CPSF3: variants seen among roughly 807,000 people sequenced by gnomAD.
The protein encoded by CPSF3 is cleavage and polyadenylation specificity factor subunit 3.
A neutral mutation model predicts 84.1 loss-of-function variants in CPSF3; 57 were observed. The observed-to-expected ratio is 0.68, with a 90% CI of 0.55 to 0.85. The LOEUF (loss-of-function observed/expected upper bound fraction) is 0.85. Among genes scored for constraint, CPSF3 ranks in the 40% least tolerant of loss-of-function variants. The pLI is 0.00. For synonymous variants in CPSF3, 275 were observed against 278.1 expected (o/e 0.99, Z 0.11); for missense variants, 522 against 838.8 (o/e 0.62, Z 4.66).
At chr2:9,450,403 C>T (rs539691783) in intron 11 of CPSF3, among the ~76,000 whole-genome samples, 3 of 149,992 alleles carry the variant, frequency 2.0e-5, no homozygotes, top group South Asian at 2.2e-4. Flanking sequence ...GATCCACGTG[C>T]CTTGGCCTCC....
At chr2:9,466,302 A>T (rs1364121140) in intron 15 of CPSF3, among the ~76,000 whole-genome samples, 3 of 115,360 alleles carry the variant, frequency 2.6e-5, no homozygotes, top group African/African-American at 5.8e-5. Flanking sequence ...AGACGCATGC[A>T]CACGCACACT....
chr2:9,434,506 G>A (rs2148937694), intron 6 of CPSF3, among the ~76,000 whole-genome samples: 1 of 152,252 alleles, frequency 6.6e-6, no homozygotes, highest in Non-Finnish European at 1.5e-5. Context: ...TCTCTGGGCA[G>A]GATCATTTTT....
intron 17 of CPSF3, 128 bp from the exon 18 acceptor site, chr2:9,472,788 A>G: frequency 2.8e-6 from 2 of 713,974 alleles, no homozygotes; most frequent in Admixed American, 4.1e-5. Flanking sequence ...ATCTGGGACC[A>G]CAGGCACACG....
chr2:9,425,668 C>T (rs1572762073), intron 1 of CPSF3, among the ~76,000 whole-genome samples: 2 of 151,928 alleles, frequency 1.3e-5, no homozygotes, highest in Non-Finnish European at 2.9e-5. Flanking sequence ...GTTATTCACT[C>T]AAGGAGTATA....
At chr2:9,454,726 A>G (rs1681463434) in intron 12 of CPSF3, among the ~76,000 whole-genome samples, 1 of 151,606 alleles carries the variant, frequency 6.6e-6, no homozygotes, top group Admixed American at 6.6e-5. Flanking sequence ...TTGTATTTTT[A>G]GTAGAGACGG....
intron 3 of CPSF3, 62 bp from the exon 4 acceptor site, chr2:9,430,690 T>G: frequency 6.7e-7 from 1 of 1,495,272 alleles, no homozygotes; most frequent in Admixed American, 2.1e-5. Flanking sequence ...AGCAACAGTT[T>G]CATTACATGG....
intron 7 of CPSF3, among the ~76,000 whole-genome samples, chr2:9,436,687 C>T (rs562468337): frequency 6.6e-6 from 1 of 151,820 alleles, no homozygotes; most frequent in South Asian, 2.1e-4. Context: ...CAGAGAATTG[C>T]TTGAACCTGG....
intron 11 of CPSF3, among the ~76,000 whole-genome samples, chr2:9,451,726 T>C (rs906225946): frequency 6.6e-6 from 1 of 151,590 alleles, no homozygotes; most frequent in African/African-American, 2.4e-5. Context: ...CTTTTTTTTT[T>C]TTTTTTTTTG....
At chr2:9,462,209 A>G (rs1233558618) in intron 15 of CPSF3, among the ~76,000 whole-genome samples, 2 of 152,218 alleles carry the variant, frequency 1.3e-5, no homozygotes, top group Non-Finnish European at 2.9e-5. Flanking sequence ...TCCTTCTAAG[A>G]GCACAGCTGG....
intron 2 of CPSF3, among the ~76,000 whole-genome samples, chr2:9,429,525 C>T (rs1680502921): frequency 6.6e-6 from 1 of 152,136 alleles, no homozygotes; most frequent in Admixed American, 6.5e-5. Flanking sequence ...ATTTAAATTA[C>T]CCTGATCAGG....
chr2:9,467,133 A>AG (rs1450078327), intron 15 of CPSF3, among the ~76,000 whole-genome samples: 1 of 152,184 alleles, frequency 6.6e-6, no homozygotes, highest in Non-Finnish European at 1.5e-5. Flanking sequence ...TTGTTGAATG[A>AG]GGGGTCAGAG....
At chr2:9,446,684 G>A (rs948523290) in intron 10 of CPSF3, among the ~76,000 whole-genome samples, 2 of 151,882 alleles carry the variant, frequency 1.3e-5, no homozygotes, top group African/African-American at 4.8e-5. Flanking sequence ...TTGAACCCTC[G>A]AGGCAGAGGC....
In CPSF3 at chr2:9,452,925, T is replaced by C. The variant is rs934872217; in HGVS notation, c.1408T>C (p.Leu470=). The C allele has an allele frequency of 1.9e-6, 3 of 1,598,092 alleles. No homozygotes were observed. The highest frequency in any genetic ancestry group is 2.6e-6 in the Non-Finnish European group (3 of 1,175,844). ...TTTTTTTTTACAGGTTATGGGATTTTTAGCAGACAAAAAACCAGAACAAGG... is the reference window on the plus strand; with the variant it reads ...TTTTTTTTTACAGGTTATGGGATTTCTAGCAGACAAAAAACCAGAACAAGG... ...GEKLAKVMGF[L]ADKKPEQGQR... The change falls in exon 12 of 18, where the codon TTA becomes CTA. Residue 470 remains leucine, a synonymous_variant. Coordinates refer to ENST00000238112, the MANE Select transcript of CPSF3 (RefSeq NM_016207.4).
At chr2:9,472,005 C>CAAA (rs1682184231) in intron 17 of CPSF3, among the ~76,000 whole-genome samples, 1 of 59,350 alleles carries the variant, frequency 1.7e-5, no homozygotes, top group Non-Finnish European at 3.9e-5. Flanking sequence ...GACTCTGTCT[C>CAAA]CAAAAAAAAA....
chr2:9,425,483 T>A (rs1434432307), intron 1 of CPSF3, among the ~76,000 whole-genome samples: 1 of 152,142 alleles, frequency 6.6e-6, no homozygotes, highest in Admixed American at 6.5e-5. Flanking sequence ...AGATTCTAAG[T>A]CTAGCTGACG....
In CPSF3 at chr2:9,471,406, C is replaced by T. The variant is rs201597433; in HGVS notation, c.1920C>T (p.Asp640=). The part of the protein sequence containing the change: ...KDDSILSVTV[D]GKTANLNLET... ...ACTCTATTCTTAGCGTCACAGTGGA[C>T]GGGAAAACTGCCAACCTTAACTTGG... is the stretch of plus-strand genomic sequence containing the variant. Residue 640 remains aspartate (D), a synonymous_variant, in exon 17 of 18, where the codon GAC becomes GAT. Transcript: ENST00000238112. 2.4e-5 allele frequency: 39 copies of T among 1,611,210 alleles called. No individual in the cohort carries two copies. The highest frequency in any genetic ancestry group is 9.3e-5 in the African/African-American group (7 of 74,946).
At chr2:9,455,297 A>G (rs1681485987) in intron 12 of CPSF3, among the ~76,000 whole-genome samples, 1 of 151,964 alleles carries the variant, frequency 6.6e-6, no homozygotes, top group South Asian at 2.1e-4. Context: ...TACCACGCCT[A>G]GCTAATTTTT....
intron 7 of CPSF3, among the ~76,000 whole-genome samples, chr2:9,438,201 A>G (rs1680852361): frequency 6.6e-6 from 1 of 152,236 alleles, no homozygotes; most frequent in African/African-American, 2.4e-5. Flanking sequence ...GAAATCTGTA[A>G]TAGATAGGAC....
intron 15 of CPSF3, among the ~76,000 whole-genome samples, chr2:9,461,864 C>T (rs1331289450): frequency 2.0e-5 from 3 of 150,630 alleles, no homozygotes; most frequent in Non-Finnish European, 2.9e-5. Context: ...CGGGTTCAAG[C>T]GATTCTCCTG....
Sources: allele counts gnomAD v4.1 joint callset (sites outside exome capture counted in the v4.1 genomes callset), GRCh38; gene constraint gnomAD v4.1.1; transcripts MANE v1.5; gene names NCBI Gene and HGNC (gene_info 2026-07-23, HGNC 2026-07-21).